The following PSKH1 variants were observed in gnomAD, a reference collection of about 807,000 sequenced individuals.
The protein encoded by PSKH1 is serine/threonine-protein kinase H1.
Under a neutral mutation model 26.7 loss-of-function variants are expected in PSKH1, and 12 were observed. The ratio of observed to expected loss-of-function variants is 0.45; its 90% CI spans 0.29 to 0.73. The LOEUF is 0.73. Among genes scored for constraint, PSKH1 ranks in the 30% least tolerant of loss-of-function variants. The pLI is 0.11. For synonymous variants in PSKH1, 213 were observed against 234.3 expected, an observed-to-expected ratio of 0.91 and a Z score of 0.83; for missense variants, 431 against 595.2, an observed-to-expected ratio of 0.72 and a Z score of 2.87.
chr16:67,909,644 G>A lies in PSKH1; in HGVS notation c.895G>A (p.Asp299Asn). 1 of 1,613,856 alleles carries A rather than the reference G, an allele frequency of 6.2e-7. No individual in the cohort carries two copies. The highest frequency in any genetic ancestry group is 8.5e-7 in the Non-Finnish European group (1 of 1,180,038). Residue 299 changes from aspartate to asparagine, a missense_variant, in exon 2 of 3, where the codon GAT becomes AAT. Physicochemically the swap from Asp to Asn is conservative, Grantham distance 23. Coordinates refer to ENST00000291041, the MANE Select transcript of PSKH1 (RefSeq NM_006742.3). This position sits in a 1 kb window ranked among gnomAD's most constrained non-coding sequence, Gnocchi z 7.8. The stretch of plus-strand genomic sequence containing the variant: ...ACTCAGTGGCACCATGCCGTTTGAG[G>A]ATGACAACCGTACCCGGCTGTACCG... ...ILLSGTMPFEDDNRTRLYRQI... is the reference protein window; with the variant it reads ...ILLSGTMPFENDNRTRLYRQI...
Position 67,928,469 on chromosome 16 carries a change from C to G in PSKH1, c.*827C>G, listed in dbSNP as rs1278107975. On this transcript the variant is annotated 3_prime_UTR_variant, in exon 3 of 3. Coordinates refer to ENST00000291041, the MANE Select transcript of PSKH1 (RefSeq NM_006742.3). This position sits in a 1 kb window ranked among gnomAD's most constrained non-coding sequence, Gnocchi z 4.8. Reference sequence around the variant, plus strand: ...CATTCCCCAGGTGCCTCCTTCCCAACTGGGGGTGGTTAAAGGGAGCCCCAC... The same window carrying G: ...CATTCCCCAGGTGCCTCCTTCCCAAGTGGGGGTGGTTAAAGGGAGCCCCAC... 6.5e-6 allele frequency: 1 copy of G among 152,786 alleles called. No homozygotes were observed. The highest frequency in any genetic ancestry group is 1.5e-5 in the Non-Finnish European group (1 of 68,042). 9.5% of individuals were successfully genotyped at this position (152,786 alleles called of 1,614,324 possible).
At chr16:67,912,875 A>T (rs946905613) in intron 2 of PSKH1, among the ~76,000 whole-genome samples, 1 of 151,974 alleles carries the variant, frequency 6.6e-6, no homozygotes, top group African/African-American at 2.4e-5. Flanking sequence ...TCTCAAAAAA[A>T]GAAACAAAAA....
In PSKH1 at chr16:67,908,790, A is replaced by G. The variant is rs777211025; in HGVS notation, c.41A>G (p.Lys14Arg). The G allele has an allele frequency of 1.2e-5, 19 of 1,609,118 alleles. No homozygotes were observed. Among genetic ancestry groups the G allele is most frequent in the Admixed American group, 8.4e-5 (5 of 59,720 alleles). ...GTSKVLPEPPKDVQLDLVKKV... is the reference protein window; with the variant it reads ...GTSKVLPEPPRDVQLDLVKKV... ...AGCAAGGTCCTTCCCGAGCCACCCA[A>G]GGATGTCCAGCTGGATCTGGTCAAG... The change falls in exon 2 of 3, where the codon AAG (lysine) becomes AGG (arginine). Residue 14 changes from lysine to arginine, a missense_variant. Physicochemically the swap from Lys to Arg is conservative, Grantham distance 26. Transcript: ENST00000291041.
At chr16:67,921,802 C>T (rs370002798) in intron 2 of PSKH1, among the ~76,000 whole-genome samples, 4 of 152,256 alleles carry the variant, frequency 2.6e-5, no homozygotes, top group South Asian at 4.1e-4. Flanking sequence ...GCATCCTTCT[C>T]GATCTTGAGT....
intron 1 of PSKH1, among the ~76,000 whole-genome samples, chr16:67,903,601 A>G (rs1296020263): frequency 6.6e-6 from 1 of 151,714 alleles, no homozygotes; most frequent in Non-Finnish European, 1.5e-5. Context: ...CCCAGACATC[A>G]GATTCTGTAT....
intron 1 of PSKH1, among the ~76,000 whole-genome samples, chr16:67,900,000 C>T (rs1036153395): frequency 4.1e-5 from 6 of 145,654 alleles, no homozygotes; most frequent in Non-Finnish European, 7.5e-5. Context: ...GCTGCCCTGT[C>T]GCTTAGGCTG....
intron 1 of PSKH1, among the ~76,000 whole-genome samples, chr16:67,904,449 C>T (rs1238132020): frequency 6.6e-6 from 1 of 152,032 alleles, no homozygotes; most frequent in Non-Finnish European, 1.5e-5. Flanking sequence ...TGTGATCCGC[C>T]CACCTCGGCC....
At chr16:67,915,053 C>A (rs115870151) in intron 2 of PSKH1, among the ~76,000 whole-genome samples, 12 of 152,106 alleles carry the variant, frequency 7.9e-5, no homozygotes, top group African/African-American at 2.9e-4. Context: ...TGGAAAATGA[C>A]GAATGGGGTG....
chr16:67,910,105 G>GT (rs374880192), intron 2 of PSKH1: 14,649 of 348,282 alleles, frequency 0.042, 92 homozygotes, highest in Middle Eastern at 0.055. Context: ...TTTTTGTTTT[G>GT]TTTTTTTTTT....
At chr16:67,906,981 T>A (rs1232425723) in intron 1 of PSKH1, among the ~76,000 whole-genome samples, 1 of 151,976 alleles carries the variant, frequency 6.6e-6, no homozygotes, top group Non-Finnish European at 1.5e-5. Context: ...TTTTTTTTTT[T>A]GAGACGGAGT....
chr16:67,897,640 G>C (rs1402579382), intron 1 of PSKH1, among the ~76,000 whole-genome samples: 1 of 152,120 alleles, frequency 6.6e-6, no homozygotes, highest in Non-Finnish European at 1.5e-5. Flanking sequence ...AAATATTTCT[G>C]GGTTGAACGT....
chr16:67,900,754 T>C (rs1169010623), intron 1 of PSKH1, among the ~76,000 whole-genome samples: 2 of 152,154 alleles, frequency 1.3e-5, no homozygotes, highest in African/African-American at 2.4e-5. Flanking sequence ...AAGAGTGCTT[T>C]GGACCAGGCT....
intron 1 of PSKH1, among the ~76,000 whole-genome samples, chr16:67,895,411 T>A (rs2058123641): frequency 8.5e-6 from 1 of 117,858 alleles, no homozygotes; most frequent in African/African-American, 5.9e-5. Context: ...GGAATCTGTA[T>A]TTTTTTTTTT....
At chr16:67,918,699 C>T (rs1214614672) in intron 2 of PSKH1, among the ~76,000 whole-genome samples, 1 of 150,244 alleles carries the variant, frequency 6.7e-6, no homozygotes, top group African/African-American at 2.4e-5. Context: ...TCAAGCAATT[C>T]TCCTGCCTCA....
At chr16:67,924,599 G>C (rs547722682) in intron 2 of PSKH1, among the ~76,000 whole-genome samples, 1 of 152,264 alleles carries the variant, frequency 6.6e-6, no homozygotes, top group African/African-American at 2.4e-5. Context: ...CTCTGTAGGG[G>C]AGTTGCCCCT....
intron 1 of PSKH1, among the ~76,000 whole-genome samples, chr16:67,904,602 A>G (rs1461775619): frequency 6.6e-6 from 1 of 151,932 alleles, no homozygotes; most frequent in Non-Finnish European, 1.5e-5. Flanking sequence ...AGCCTCCCAA[A>G]GTGCTAGGAT....
chr16:67,923,387 C>T (rs1006772704), intron 2 of PSKH1, among the ~76,000 whole-genome samples: 2 of 152,172 alleles, frequency 1.3e-5, no homozygotes, highest in African/African-American at 2.4e-5. Flanking sequence ...CTCCTACAGC[C>T]CCTGCTTGTC....
At chr16:67,920,197 C>G (rs1428959070) in intron 2 of PSKH1, among the ~76,000 whole-genome samples, 3 of 152,232 alleles carry the variant, frequency 2.0e-5, no homozygotes, top group Non-Finnish European at 4.4e-5. Context: ...CTTCTGGGCC[C>G]TCAAGTTCCT....
chr16:67,926,477 G>A (rs1015053798), intron 2 of PSKH1, among the ~76,000 whole-genome samples: 1 of 152,240 alleles, frequency 6.6e-6, no homozygotes, highest in African/African-American at 2.4e-5. Flanking sequence ...GGGAGTCTGA[G>A]CAAGTGTCCT....
Sources: gnomAD v4.1 joint callset for allele counts (sites outside exome capture counted in the v4.1 genomes callset) on GRCh38, gnomAD v4.1.1 for gene constraint, Gnocchi (gnomAD v3.1) non-coding constraint, MANE v1.5 for transcripts, NCBI Gene and HGNC (gene_info 2026-07-23, HGNC 2026-07-21) for gene names.